SHCBP1L: variants seen among roughly 807,000 people sequenced by gnomAD.
SHCBP1L encodes the protein testicular spindle-associated protein SHCBP1L.
A neutral mutation model predicts 62.5 loss-of-function variants in SHCBP1L; 67 were observed. That is an observed-to-expected ratio of 1.07 (90% CI 0.88 to 1.31). The LOEUF is 1.31. SHCBP1L is among the 40% of genes most tolerant of loss of function. The probability of loss-of-function intolerance (pLI) is 0.00; values close to 1 mark genes in which losing one functional copy is unlikely to be tolerated. For missense variants in SHCBP1L, 823 were observed against 809.8 expected (o/e 1.02, Z -0.20); for synonymous variants, 284 against 289.4 (o/e 0.98, Z 0.19).
chr1:182,904,944 A>G (rs1400043712), intron 7 of SHCBP1L, among the ~76,000 whole-genome samples: 1 of 151,768 alleles, frequency 6.6e-6, no homozygotes, highest in Non-Finnish European at 1.5e-5. Flanking sequence ...ATGGGGTTTC[A>G]CTATGTTGCC....
intron 6 of SHCBP1L, among the ~76,000 whole-genome samples, chr1:182,908,847 G>C (rs1455300823): frequency 1.3e-5 from 2 of 152,152 alleles, no homozygotes; most frequent in African/African-American, 2.4e-5. Flanking sequence ...GGTTAAGAAT[G>C]CTCGTTTTGT....
At chr1:182,915,436 T>C (rs941357605) in intron 6 of SHCBP1L, among the ~76,000 whole-genome samples, 6 of 152,162 alleles carry the variant, frequency 3.9e-5, no homozygotes, top group African/African-American at 9.6e-5. Context: ...TCTCAAAATG[T>C]ATGAAGTAAA....
chr1:182,919,146 T>C (rs1455836723), intron 6 of SHCBP1L, among the ~76,000 whole-genome samples: 1 of 152,254 alleles, frequency 6.6e-6, no homozygotes, highest in Non-Finnish European at 1.5e-5. Context: ...AATAAATTTC[T>C]GCCTTAGTCT....
intron 6 of SHCBP1L, among the ~76,000 whole-genome samples, chr1:182,917,672 C>T (rs539849047): frequency 6.6e-5 from 10 of 152,288 alleles, no homozygotes; most frequent in African/African-American, 2.4e-4. Context: ...CATGGTCATC[C>T]TTCTGTGCAC....
chr1:182,927,406 C>A (rs1650803273), intron 6 of SHCBP1L, among the ~76,000 whole-genome samples: 1 of 152,104 alleles, frequency 6.6e-6, no homozygotes, highest in Admixed American at 6.5e-5. Context: ...GGCGCGGTGG[C>A]TCACGCCTGT....
At chr1:182,934,790 T>A (rs547367233) in intron 5 of SHCBP1L, among the ~76,000 whole-genome samples, 3 of 152,180 alleles carry the variant, frequency 2.0e-5, no homozygotes, top group African/African-American at 7.2e-5. Flanking sequence ...ATGAGTCTTA[T>A]AGTTTTGAGT....
chr1:182,948,746 C>G (rs1651652015), intron 2 of SHCBP1L, among the ~76,000 whole-genome samples: 1 of 151,856 alleles, frequency 6.6e-6, no homozygotes, highest in South Asian at 2.1e-4. Flanking sequence ...GATCAGGGGC[C>G]CATAGGAATA....
At chr1:182,951,852 T>C in intron 1 of SHCBP1L, 1 of 320,318 alleles carries the variant, frequency 3.1e-6, no homozygotes, top group Non-Finnish European at 6.2e-6. Context: ...GATATGTATT[T>C]TCTATAAAAG....
chr1:182,932,419 G>A (rs1651036093), intron 5 of SHCBP1L, among the ~76,000 whole-genome samples: 1 of 152,030 alleles, frequency 6.6e-6, no homozygotes, highest in Admixed American at 6.6e-5. Flanking sequence ...AGCAATAAGT[G>A]AGAATTCCTG....
chr1:182,943,201 C>T (rs893729199), intron 2 of SHCBP1L, among the ~76,000 whole-genome samples: 10 of 151,680 alleles, frequency 6.6e-5, no homozygotes, highest in Non-Finnish European at 1.0e-4. Context: ...ACTGCAGCCT[C>T]GAACTCCTGG....
intron 6 of SHCBP1L, among the ~76,000 whole-genome samples, chr1:182,918,272 C>A (rs906405348): frequency 1.4e-5 from 2 of 144,502 alleles, no homozygotes; most frequent in Non-Finnish European, 3.0e-5. Flanking sequence ...CCAAGGAATG[C>A]ACCAAAAACA....
intron 9 of SHCBP1L, among the ~76,000 whole-genome samples, chr1:182,901,925 T>C (rs1649851595): frequency 6.6e-6 from 1 of 152,200 alleles, no homozygotes. Context: ...ATGATTCTGA[T>C]GCATGCTAAC....
In SHCBP1L at chr1:182,952,763, G is replaced by T. The variant is rs758703489; in HGVS notation, c.371C>A (p.Ser124Ter). Residue 124 changes from serine (S) to a stop codon, truncating the protein, a stop_gained, in exon 1 of 10, where the codon TCG (serine) becomes TAG (stop). Coordinates refer to ENST00000367547, the MANE Select transcript of SHCBP1L (RefSeq NM_030933.4). LOFTEE classifies it high-confidence loss of function. Reference protein sequence around the residue: ...MRGMWRDEKVSLYCDEVLQDC... With the variant: ...MRGMWRDEKV ...CTGCAGCACTTCGTCGCAATACAGC[G>T]ACACCTTCTCGTCCCGCCACATCCC... 1 of 1,611,824 alleles carries T rather than the reference G, an allele frequency of 6.2e-7. No homozygotes were observed. Among genetic ancestry groups the T allele is most frequent in the Non-Finnish European group, 8.5e-7 (1 of 1,179,166 alleles).
intron 2 of SHCBP1L, among the ~76,000 whole-genome samples, chr1:182,949,557 T>C (rs1651679632): frequency 6.6e-6 from 1 of 151,752 alleles, no homozygotes; most frequent in South Asian, 2.1e-4. Context: ...ATTAGCCGGG[T>C]GTGGTGGTAC....
intron 3 of SHCBP1L, among the ~76,000 whole-genome samples, 185 bp downstream of exon 3, chr1:182,940,144 G>T (rs1279440427): frequency 6.6e-6 from 1 of 151,992 alleles, no homozygotes; most frequent in African/African-American, 2.4e-5. Context: ...TAATGTTTCT[G>T]CAAGGAAATG....
chr1:182,943,453 G>T (rs1227007116), intron 2 of SHCBP1L, among the ~76,000 whole-genome samples: 6 of 136,100 alleles, frequency 4.4e-5, no homozygotes, highest in Admixed American at 7.4e-5. Flanking sequence ...GTTTGTTTTT[G>T]TTTTTTTTTT....
intron 6 of SHCBP1L, among the ~76,000 whole-genome samples, chr1:182,924,695 GGAAAGGAAGAAA>G (rs1650623730): frequency 1.3e-5 from 1 of 76,856 alleles, no homozygotes; most frequent in Non-Finnish European, 2.7e-5. Flanking sequence ...GGAAAGGAAA[GGAAAGGAAGAAA>G]GAAAGAAAGA....
At chr1:182,926,558 A>G (rs1390267324) in intron 6 of SHCBP1L, among the ~76,000 whole-genome samples, 1 of 152,222 alleles carries the variant, frequency 6.6e-6, no homozygotes, top group African/African-American at 2.4e-5. Flanking sequence ...AGGAAATAAG[A>G]GAAACCATGT....
chr1:182,925,912 G>A (rs1411222611), intron 6 of SHCBP1L, among the ~76,000 whole-genome samples: 2 of 152,100 alleles, frequency 1.3e-5, no homozygotes, highest in African/African-American at 4.8e-5. Flanking sequence ...GCTACAATGT[G>A]GATGAACCTT....
Sources: gnomAD v4.1 joint callset for allele counts (sites outside exome capture counted in the v4.1 genomes callset) on GRCh38, gnomAD v4.1.1 for gene constraint, MANE v1.5 for transcripts, NCBI Gene and HGNC (gene_info 2026-07-23, HGNC 2026-07-21) for gene names.